The following ANOS1 variants were observed in gnomAD, a reference collection of about 807,000 sequenced individuals.
ANOS1 encodes the protein anosmin-1.
A neutral mutation model predicts 59.0 loss-of-function variants in ANOS1; 6 were observed. The observed-to-expected ratio is 0.10, with a 90% confidence interval of 0.06 to 0.20. The LOEUF (loss-of-function observed/expected upper bound fraction) is 0.20. Ranked by LOEUF, ANOS1 falls within the 10% of genes least tolerant of loss-of-function variation. The pLI is 1.00. For missense variants in ANOS1, 433 were observed against 542.3 expected, an observed-to-expected ratio of 0.80 and a Z score of 2.00; for synonymous variants, 217 against 223.4, an observed-to-expected ratio of 0.97 and a Z score of 0.25.
At chrX:8,579,758 A>G (rs756581445) in intron 6 of ANOS1, among the ~76,000 whole-genome samples, 5 of 111,563 alleles carry the variant, frequency 4.5e-5, no homozygotes, top group Admixed American at 9.5e-5. Context: ...AGCTGCAGAC[A>G]AAGACTGACT....
Position 8,570,608 on chromosome X carries a change from G to C in ANOS1, c.953C>G (p.Pro318Arg), listed in dbSNP as rs1320614254. Residue 318 changes from proline to arginine, a missense_variant, in exon 7 of 14, where the codon CCC becomes CGC. Pro to Arg is a moderately radical substitution (Grantham distance 103). Coordinates refer to ENST00000262648, the MANE Select transcript of ANOS1 (RefSeq NM_000216.4). Reference protein sequence around the residue: ...SVTVTIVWDLPEEPDIPVHHY... With the variant: ...SVTVTIVWDLREEPDIPVHHY... ...ATGCACAGGGATGTCCGGCTCCTCG[G>C]GGAGATCCCAAACTATAGTGACGGT... The C allele has an allele frequency of 9.1e-6, 11 of 1,209,216 alleles. No individual in the cohort carries two copies. Among genetic ancestry groups the C allele is most frequent in the Non-Finnish European group, 1.2e-5 (11 of 894,710 alleles).
At chrX:8,683,994 A>G (rs1330966869) in intron 2 of ANOS1, among the ~76,000 whole-genome samples, 1 of 111,626 alleles carries the variant, frequency 9.0e-6, no homozygotes, top group Non-Finnish European at 1.9e-5. Context: ...ATTCAGAAGA[A>G]ATATAGAAAA....
intron 1 of ANOS1, among the ~76,000 whole-genome samples, chrX:8,708,747 G>C (rs1330919305): frequency 8.9e-6 from 1 of 111,779 alleles, no homozygotes; most frequent in Non-Finnish European, 1.9e-5. Context: ...ATTTGACCCA[G>C]CAATCCCATT....
chrX:8,594,688 A>G (rs756512620), intron 4 of ANOS1, among the ~76,000 whole-genome samples: 5,654 of 51,759 alleles, frequency 0.11, 384 homozygotes, highest in Admixed American at 0.15. Context: ...ATATATATAT[A>G]TATATATATA....
intron 8 of ANOS1, among the ~76,000 whole-genome samples, chrX:8,561,080 C>T (rs755909780): frequency 1.4e-4 from 16 of 111,708 alleles, no homozygotes; most frequent in African/African-American, 4.9e-4. Context: ...GCCCAACCTG[C>T]GGTAAGACAA....
At chrX:8,562,281 AT>A (rs1243477267) in intron 8 of ANOS1, among the ~76,000 whole-genome samples, 1 of 111,983 alleles carries the variant, frequency 8.9e-6, no homozygotes, top group Admixed American at 9.5e-5. Context: ...GTAAAAACAT[AT>A]TTTTATATAT....
intron 1 of ANOS1, among the ~76,000 whole-genome samples, chrX:8,702,993 CTGGATGTTTCT>C (rs994607425): frequency 8.9e-6 from 1 of 112,319 alleles, no homozygotes; most frequent in Non-Finnish European, 1.9e-5. Flanking sequence ...TCCTTCCCTT[CTGGATGTTTCT>C]TTTCCTAGGC....
At chrX:8,672,611 G>C (rs774858850) in intron 2 of ANOS1, among the ~76,000 whole-genome samples, 1 of 111,912 alleles carries the variant, frequency 8.9e-6, no homozygotes, top group Non-Finnish European at 1.9e-5. Flanking sequence ...GGAGAGCAGG[G>C]AGGCTTATCT....
At position 8,583,122 on chromosome X, in the gene ANOS1, CT is replaced by C. The variant is rs35726224; in HGVS notation, c.856+2144del. ...TCACTGTGACTGCTATGCTTTTGGCCTTTTTTTTTTTTTTTCCCAAATAGGC... is the reference window on the plus strand; with the variant it reads ...TCACTGTGACTGCTATGCTTTTGGCCTTTTTTTTTTTTTTCCCAAATAGGC... On this transcript the variant is annotated intron_variant, in intron 6 of 13. Transcript: ENST00000262648. Among the ~76,000 whole-genome samples, 561 of 95,610 alleles carry C rather than the reference CT, an allele frequency of 5.9e-3. 1 individual carries two copies. Among genetic ancestry groups the C allele is most frequent in the Middle Eastern group, 0.017 (3 of 176 alleles). The allele number at this position is 95,610 out of a possible 115,157, so 83.0% of individuals were successfully genotyped here.
At chrX:8,698,276 T>G (rs111719363) in intron 2 of ANOS1, among the ~76,000 whole-genome samples, 3,092 of 112,148 alleles carry the variant, frequency 0.028, 121 homozygotes, top group African/African-American at 0.094. Context: ...TGATCCCTAG[T>G]GTACAAATTT....
intron 9 of ANOS1, among the ~76,000 whole-genome samples, chrX:8,550,680 T>C (rs919655644): frequency 9.1e-6 from 1 of 110,075 alleles, no homozygotes; most frequent in Non-Finnish European, 1.9e-5. Flanking sequence ...AACTTGCACA[T>C]ATATGCATTA....
chrX:8,563,966 A>G (rs759380182), intron 8 of ANOS1, among the ~76,000 whole-genome samples: 130 of 111,595 alleles, frequency 1.2e-3, no homozygotes, highest in Non-Finnish European at 1.8e-3. Context: ...ATTCAGATAC[A>G]GGGAATGACA....
chrX:8,553,072 A>G (rs1929882681), intron 9 of ANOS1, among the ~76,000 whole-genome samples: 1 of 110,547 alleles, frequency 9.0e-6, no homozygotes. Context: ...GAGAATTTTA[A>G]AAACCTAACT....
At chrX:8,710,518 A>G (rs1932806420) in intron 1 of ANOS1, among the ~76,000 whole-genome samples, 1 of 112,072 alleles carries the variant, frequency 8.9e-6, no homozygotes, top group Admixed American at 9.5e-5. Flanking sequence ...CTCAGATGAT[A>G]CCATATCATT....
chrX:8,602,915 T>G (rs1930871556), intron 3 of ANOS1, among the ~76,000 whole-genome samples: 1 of 110,713 alleles, frequency 9.0e-6, no homozygotes, highest in Non-Finnish European at 1.9e-5. Flanking sequence ...ATTTTTGTAT[T>G]TTTAGTAGAG....
chrX:8,712,693 T>C (rs1268158295), intron 1 of ANOS1, among the ~76,000 whole-genome samples: 1 of 112,669 alleles, frequency 8.9e-6, no homozygotes. Flanking sequence ...GGTTTTTCCT[T>C]TCATAAAGTA....
chrX:8,597,095 C>T lies in ANOS1; in HGVS notation c.480G>A (p.Val160=). 2.5e-6 allele frequency: 3 copies of T among 1,211,123 alleles called. No homozygotes were observed. Among genetic ancestry groups the T allele is most frequent in the Non-Finnish European group, 2.2e-6 (2 of 895,460 alleles). Residue 160 remains valine (V), a synonymous_variant, in exon 4 of 14, where the codon GTG becomes GTA. Transcript: ENST00000262648. ...SCEVDNECSG[V]KKCCSNGCGH... The stretch of plus-strand genomic sequence containing the variant: ...CACACCCATTCGAACAACATTTCTT[C>T]ACCCCAGAGCACTCATTGTCAACTT...
intron 3 of ANOS1, among the ~76,000 whole-genome samples, chrX:8,602,730 A>AATTATTATT (rs758760034): frequency 3.7e-4 from 40 of 108,966 alleles, no homozygotes; most frequent in African/African-American, 1.3e-3. Flanking sequence ...GTCACTCTCA[A>AATTATTATT]ATTATTATTA....
At chrX:8,585,864 C>T (rs1237616021) in intron 5 of ANOS1, among the ~76,000 whole-genome samples, 2 of 111,787 alleles carry the variant, frequency 1.8e-5, no homozygotes, top group African/African-American at 6.5e-5. Context: ...ACCCAAGCCA[C>T]TGTTTAAAAA....
Sources: gnomAD v4.1 joint callset for allele counts (sites outside exome capture counted in the v4.1 genomes callset) on GRCh38, gnomAD v4.1.1 for gene constraint, MANE v1.5 for transcripts, NCBI Gene and HGNC (gene_info 2026-07-23, HGNC 2026-07-21) for gene names.